The following C1QTNF1 variants were observed in gnomAD, a reference collection of about 807,000 sequenced individuals.
C1QTNF1 encodes the protein complement C1q tumor necrosis factor-related protein 1.
C1QTNF1 carries 22 observed loss-of-function variants against 27.8 expected under a neutral mutation model. The ratio of observed to expected loss-of-function variants is 0.79; its 90% confidence interval spans 0.56 to 1.13. C1QTNF1 has a LOEUF of 1.13. Ranked by LOEUF, C1QTNF1 falls within the 50% of genes most tolerant of loss-of-function variation. The pLI is 0.00. For synonymous variants in C1QTNF1, 166 were observed against 154.3 expected, an observed-to-expected ratio of 1.08 and a Z score of -0.56; for missense variants, 373 against 380.2, an observed-to-expected ratio of 0.98 and a Z score of 0.16.
chr17:79,028,882 A>AGG (rs1194684157), intron 1 of C1QTNF1, among the ~76,000 whole-genome samples: 11 of 113,094 alleles, frequency 9.7e-5, no homozygotes, highest in Non-Finnish European at 2.0e-4. Flanking sequence ...TCACATTTTA[A>AGG]GGTGTGTGTG....
intron 1 of C1QTNF1, among the ~76,000 whole-genome samples, chr17:79,031,696 A>C (rs555033304): frequency 6.6e-6 from 1 of 151,162 alleles, no homozygotes; most frequent in South Asian, 2.1e-4. Flanking sequence ...TGCCTGCCTC[A>C]GCCTCCCAAA....
chr17:79,038,777 G>A (rs1378374067), intron 1 of C1QTNF1, among the ~76,000 whole-genome samples: 1 of 152,218 alleles, frequency 6.6e-6, no homozygotes, highest in African/African-American at 2.4e-5. Flanking sequence ...ATCACTAACA[G>A]TGATCTGGAG....
rs764687507 is a variant in C1QTNF1 at position 79,047,742 on chromosome 17, T to A, written c.500T>A (p.Phe167Tyr). 6.2e-7 allele frequency: 1 copy of A among 1,614,122 alleles called. No individual in the cohort carries two copies. The highest frequency in any genetic ancestry group is 1.7e-5 in the Admixed American group (1 of 60,012). The change falls in exon 4 of 4, where the codon TTC becomes TAC. Residue 167 changes from phenylalanine to tyrosine, a missense_variant. Physicochemically the swap from Phe to Tyr is conservative, Grantham distance 22. Transcript: ENST00000579760. ...AACCACTACTACCAGACGGTGATCT[T>A]CGACACGGAGTTCGTGAACCTCTAC... ...HSNHYYQTVIFDTEFVNLYDH... is the reference protein window; with the variant it reads ...HSNHYYQTVIYDTEFVNLYDH...
chr17:79,048,136 T>TGCTGACCGCAGGGCTCAGCACCAG lies in C1QTNF1; in HGVS notation c.*55_*56insGCAGGGCTCAGCACCAGGCTGACC. 6.9e-7 allele frequency: 1 copy of TGCTGACCGCAGGGCTCAGCACCAG among 1,449,312 alleles called. No homozygotes were observed. Among genetic ancestry groups the TGCTGACCGCAGGGCTCAGCACCAG allele is most frequent in the Non-Finnish European group, 9.1e-7 (1 of 1,101,966 alleles). The allele number at this position is 1,449,312 out of a possible 1,614,324, so 89.8% of individuals were successfully genotyped here. A position where few individuals can be genotyped will look rare whatever the true frequency, so the allele number is the denominator to read the frequency against. On this transcript the variant is annotated 3_prime_UTR_variant, in exon 4 of 4. Transcript: ENST00000579760. ...CTCGCCACCTTCCACCCCTGCGCTG[T>TGCTGACCGCAGGGCTCAGCACCAG]GCTGACCCCACCGCCTCTTCCCCGA... is the stretch of plus-strand genomic sequence containing the variant.
intron 1 of C1QTNF1, among the ~76,000 whole-genome samples, chr17:79,029,300 C>T (rs991404396): frequency 7.2e-5 from 11 of 152,180 alleles, no homozygotes; most frequent in African/African-American, 2.7e-4. Context: ...GGCCACCCCT[C>T]GGGGTGAAGT....
chr17:79,027,728 C>T (rs947791508), intron 1 of C1QTNF1: 9 of 152,342 alleles, frequency 5.9e-5, no homozygotes, highest in Non-Finnish European at 1.0e-4. Flanking sequence ...ATCTCTGGGT[C>T]CTTGTCAAGG....
chr17:79,037,288 C>T (rs552794671), intron 1 of C1QTNF1, among the ~76,000 whole-genome samples: 2 of 152,296 alleles, frequency 1.3e-5, no homozygotes, highest in East Asian at 1.9e-4. Context: ...TGCCACCACG[C>T]CCAGCTAATT....
chr17:79,042,002 T>C (rs2072423581), intron 1 of C1QTNF1, among the ~76,000 whole-genome samples: 1 of 152,222 alleles, frequency 6.6e-6, no homozygotes, highest in African/African-American at 2.4e-5. Flanking sequence ...AGATGAGCCC[T>C]TGCTTTCACT....
intron 1 of C1QTNF1, among the ~76,000 whole-genome samples, chr17:79,039,781 ATATG>A (rs1345512878): frequency 6.7e-6 from 1 of 149,808 alleles, no homozygotes; most frequent in African/African-American, 2.5e-5. Context: ...TCTTAAATAA[ATATG>A]TGTGTGTGTG....
chr17:79,032,223 G>A lies in C1QTNF1; in HGVS notation c.-15+7729G>A, dbSNP rs568498908. On this transcript the variant is annotated intron_variant, in intron 1 of 3. Coordinates refer to ENST00000579760, the MANE Select transcript of C1QTNF1 (RefSeq NM_030968.5). The stretch of plus-strand genomic sequence containing the variant: ...CACACCCAGGTCTGGGCAACTTCCC[G>A]GAGGAGGTGGCCTCAGGCTGAGCTC... Among the ~76,000 whole-genome samples the A allele has an allele frequency of 6.6e-5, 10 of 152,290 alleles. No homozygotes were observed. The South Asian group carries it at 1.0e-3, about 16-fold the overall frequency.
At chr17:79,023,156 C>G (rs2071821113), upstream of C1QTNF1, 1 of 152,152 alleles carries the variant, frequency 6.6e-6, no homozygotes, top group Non-Finnish European at 1.5e-5. Flanking sequence ...CCTGTTTGTC[C>G]AGAGACAGAC....
At chr17:79,042,005 C>G (rs536871717) in intron 1 of C1QTNF1, among the ~76,000 whole-genome samples, 15 of 152,318 alleles carry the variant, frequency 9.8e-5, no homozygotes, top group African/African-American at 3.4e-4. Context: ...TGAGCCCTTG[C>G]TTTCACTGTT....
intron 1 of C1QTNF1, among the ~76,000 whole-genome samples, chr17:79,041,560 T>C (rs2072409824): frequency 6.6e-6 from 1 of 152,104 alleles, no homozygotes; most frequent in Non-Finnish European, 1.5e-5. Flanking sequence ...GGTGGATCAC[T>C]TGAGGTCAGA....
intron 1 of C1QTNF1, among the ~76,000 whole-genome samples, chr17:79,038,342 C>T (rs1008918286): frequency 2.0e-5 from 3 of 152,166 alleles, no homozygotes; most frequent in African/African-American, 4.8e-5. Context: ...TCCTCCTCTA[C>T]GTCCTGCGTG....
chr17:79,026,925 C>T (rs911447104), intron 1 of C1QTNF1, among the ~76,000 whole-genome samples: 1 of 152,206 alleles, frequency 6.6e-6, no homozygotes, highest in African/African-American at 2.4e-5. Context: ...CCTGGTGCCT[C>T]CCCCCAGCTG....
chr17:79,046,107 A>G lies in C1QTNF1; in HGVS notation c.156-448A>G, dbSNP rs1274389376. On this transcript the variant is annotated intron_variant, in intron 2 of 3. Transcript: ENST00000579760. This position sits in a 1 kb window ranked among gnomAD's most constrained non-coding sequence, Gnocchi z 4.8. ...GCTTGTCCTTCCAATCAGGTTGGAA[A>G]CATAAGAGTCTCTCCAGCGGCTACA... 1.3e-5 allele frequency among the ~76,000 whole-genome samples: 2 copies of G among 152,202 alleles called. No homozygotes were observed. Among genetic ancestry groups the G allele is most frequent in the African/African-American group, 4.8e-5 (2 of 41,456 alleles).
chr17:79,043,320 ATG>A (rs770199095), intron 1 of C1QTNF1: 4 of 450,336 alleles, frequency 8.9e-6, no homozygotes, highest in South Asian at 6.2e-5. Context: ...TGAGTTGTGC[ATG>A]TGTGTTGAGT....
intron 1 of C1QTNF1, among the ~76,000 whole-genome samples, chr17:79,027,888 G>T (rs1162507460): frequency 6.6e-6 from 1 of 152,202 alleles, no homozygotes; most frequent in African/African-American, 2.4e-5. Flanking sequence ...TCCAGCAGGG[G>T]CACGGGGACC....
chr17:79,034,953 G>T (rs562902432), intron 1 of C1QTNF1, among the ~76,000 whole-genome samples: 1 of 152,234 alleles, frequency 6.6e-6, no homozygotes, highest in African/African-American at 2.4e-5. Flanking sequence ...GGGAGAGTCT[G>T]AGACCAGTGG....
Sources: allele counts gnomAD v4.1 joint callset (sites outside exome capture counted in the v4.1 genomes callset), GRCh38; gene constraint gnomAD v4.1.1; non-coding constraint Gnocchi (gnomAD v3.1); transcripts MANE v1.5; gene names NCBI Gene and HGNC (gene_info 2026-07-23, HGNC 2026-07-21).